ZNF195: variants seen among roughly 807,000 people sequenced by gnomAD.
ZNF195 encodes the protein hypoxia-regulated factor-1.
A neutral mutation model predicts 19.5 loss-of-function variants in ZNF195; 11 were observed. That is an observed-to-expected ratio of 0.57 (90% confidence interval 0.36 to 0.94). The LOEUF (loss-of-function observed/expected upper bound fraction) is 0.94. ZNF195 is among the 40% of genes least tolerant of loss of function. The pLI, the probability that ZNF195 is intolerant of heterozygous loss-of-function variation, is 0.01. For synonymous variants in ZNF195, 214 were observed against 248.1 expected (o/e 0.86, Z 1.29); for missense variants, 582 against 709.0 (o/e 0.82, Z 2.03).
intron 3 of ZNF195, among the ~76,000 whole-genome samples, chr11:3,370,696 G>A (rs1255958982): frequency 2.6e-5 from 4 of 152,182 alleles, no homozygotes; most frequent in Non-Finnish European, 4.4e-5. Flanking sequence ...GGCGGAGCAC[G>A]CCATGAGACC....
rs1690968423 is a variant in ZNF195, at chr11:3,358,153, T to G, written c.*965A>C. 1.3e-5 allele frequency: 2 copies of G among 151,962 alleles called. No individual in the cohort carries two copies. Among genetic ancestry groups the G allele is most frequent in the South Asian group, 4.2e-4 (2 of 4,808 alleles). 9.4% of individuals were successfully genotyped at this position (151,962 alleles called of 1,614,324 possible). On this transcript the variant is annotated 3_prime_UTR_variant, in exon 6 of 6. Transcript: ENST00000399602. ...TTTTTGCCAGCTTTGTTATGCGAGG[T>G]GAACAGACATGTTAACCGCATCCTG...
chr11:3,369,161 G>A (rs182459755), intron 3 of ZNF195: 411 of 259,808 alleles, frequency 1.6e-3, no homozygotes, highest in African/African-American at 8.6e-3. Context: ...ACATATTAGG[G>A]CTGTGCAAAA....
intron 2 of ZNF195, 75 bp from the exon 3 acceptor site, chr11:3,371,145 A>G: frequency 7.4e-7 from 1 of 1,348,206 alleles, no homozygotes; most frequent in East Asian, 2.3e-5. Flanking sequence ...TGCTTAGTAG[A>G]GTGAACATTA....
At chr11:3,369,535 A>ACAG in intron 3 of ZNF195, 1 of 447,906 alleles carries the variant, frequency 2.2e-6, no homozygotes, top group Non-Finnish European at 4.5e-6. Flanking sequence ...ATATAAATAG[A>ACAG]CAATAGAATA....
At chr11:3,372,827 G>C (rs1454007893) in intron 1 of ZNF195, among the ~76,000 whole-genome samples, 3 of 152,222 alleles carry the variant, frequency 2.0e-5, no homozygotes, top group Non-Finnish European at 4.4e-5. Context: ...TGCCTCCCTG[G>C]TTCAGGCAAT....
rs149661517 is a variant in ZNF195 at position 3,358,444 on chromosome 11, G to A, written c.*674C>T. 1.1e-3 allele frequency: 160 copies of A among 152,146 alleles called. No individual in the cohort carries two copies. Among genetic ancestry groups the A allele is most frequent in the African/African-American group, 3.6e-3 (151 of 41,500 alleles). 9.4% of individuals were successfully genotyped at this position (152,146 alleles called of 1,614,324 possible). ...CATTTCAGTGTCTTTCACCTTTCACGGACAAGTATATCAGTGATGCACACC... is the reference window on the plus strand; with the variant it reads ...CATTTCAGTGTCTTTCACCTTTCACAGACAAGTATATCAGTGATGCACACC... On this transcript the variant is annotated 3_prime_UTR_variant, in exon 6 of 6. Coordinates refer to ENST00000399602, the MANE Select transcript of ZNF195 (RefSeq NM_001130520.3).
chr11:3,360,244 A>C lies in ZNF195; in HGVS notation c.764T>G (p.Met255Arg). The C allele has an allele frequency of 6.2e-7, 1 of 1,613,956 alleles. No homozygotes were observed. The highest frequency in any genetic ancestry group is 8.5e-7 in the Non-Finnish European group (1 of 1,179,952). ...KCQECGKSFQ[M>R]LSFLTEHQKI... ...CTGATGTTCAGTTAGGAATGAGAGC[A>C]TTTGAAAGGATTTGCCACATTCTTG... Residue 255 changes from methionine (M) to arginine (R), a missense_variant, in exon 6 of 6, where the codon ATG becomes AGG. Met to Arg is a moderately conservative substitution (Grantham distance 91). Transcript: ENST00000399602.
chr11:3,369,950 C>A (rs561970201), intron 3 of ZNF195, among the ~76,000 whole-genome samples: 2 of 152,212 alleles, frequency 1.3e-5, no homozygotes, highest in East Asian at 3.9e-4. Context: ...TATTTCACAA[C>A]GTATACACAT....
rs922523353 is a variant in ZNF195 at position 3,359,771 on chromosome 11, C to T, written c.1237G>A (p.Glu413Lys). 2.5e-6 allele frequency: 4 copies of T among 1,614,074 alleles called. No homozygotes were observed. The African/African-American group carries it at 4.0e-5, about 16-fold the overall frequency. ...CACTTGAAGATGCTGTCACATTCCT[C>T]ACATTTGAAAGGTTTCCCTCCAATC... The part of the protein sequence containing the change: ...NEIGGKPFKC[E>K]ECDSIFKWFS... The change falls in exon 6 of 6, where the codon GAG (glutamate) becomes AAG (lysine). Residue 413 changes from glutamate (E) to lysine (K), a missense_variant. Physicochemically the swap from Glu to Lys is moderately conservative, Grantham distance 56 (BLOSUM62 1). Coordinates refer to ENST00000399602, the MANE Select transcript of ZNF195 (RefSeq NM_001130520.3). This position sits in a 1 kb window ranked among gnomAD's most constrained non-coding sequence, Gnocchi z 5.5.
rs768100033 is a variant in ZNF195, at chr11:3,360,273, T to C, written c.735A>G (p.Lys245=). 4 of 1,612,992 alleles carry C rather than the reference T, an allele frequency of 2.5e-6. No homozygotes were observed. The highest frequency in any genetic ancestry group is 1.3e-5 in the African/African-American group (1 of 75,006). ...NISNTGEKPF[K]CQECGKSFQM... is the part of the protein sequence containing the mutation. Reference sequence around the variant, plus strand: ...GAAAGGATTTGCCACATTCTTGACATTTGAAAGGTTTCTCTCCAGTATTAC... The same window carrying C: ...GAAAGGATTTGCCACATTCTTGACACTTGAAAGGTTTCTCTCCAGTATTAC... Residue 245 remains lysine (K), a synonymous_variant, in exon 6 of 6, where the codon AAA becomes AAG. Coordinates refer to ENST00000399602, the MANE Select transcript of ZNF195 (RefSeq NM_001130520.3).
At chr11:3,361,981 C>A in intron 3 of ZNF195, 92 bp from the exon 4 acceptor site, 1 of 435,726 alleles carries the variant, frequency 2.3e-6, no homozygotes, top group South Asian at 1.6e-5. Context: ...ATCACCTGAA[C>A]CTGGGAAGTG....
chr11:3,361,244 T>G (rs1848619125), intron 4 of ZNF195, among the ~76,000 whole-genome samples: 1 of 152,208 alleles, frequency 6.6e-6, no homozygotes, highest in Admixed American at 6.5e-5. Context: ...TTGTTTTAGA[T>G]GACCCCAGGA....
At position 3,360,227 on chromosome 11, in the gene ZNF195, C is replaced by G. The variant is rs758502898; in HGVS notation, c.781G>C (p.Glu261Gln). The G allele has an allele frequency of 3.1e-6, 5 of 1,613,900 alleles. No individual in the cohort carries two copies. The Admixed American group carries it at 8.3e-5, about 27-fold the overall frequency. The change falls in exon 6 of 6, where the codon GAA becomes CAA. Residue 261 changes from glutamate to glutamine, a missense_variant. Physicochemically the swap from Glu to Gln is conservative, Grantham distance 29. Transcript: ENST00000399602. ...KSFQMLSFLT[E>Q]HQKIHTGKKF... Reference sequence around the variant, plus strand: ...TTTCCAGTGTGAATTTTCTGATGTTCAGTTAGGAATGAGAGCATTTGAAAG... The same window carrying G: ...TTTCCAGTGTGAATTTTCTGATGTTGAGTTAGGAATGAGAGCATTTGAAAG...
At chr11:3,377,569 T>G in intron 1 of ZNF195, 1 of 1,095,644 alleles carries the variant, frequency 9.1e-7, no homozygotes, top group Non-Finnish European at 1.1e-6. Flanking sequence ...TCTCCAGGGA[T>G]TGAAAGTTGG....
intron 3 of ZNF195, chr11:3,362,146 C>A: frequency 3.3e-6 from 1 of 306,350 alleles, no homozygotes; most frequent in Non-Finnish European, 6.7e-6. Context: ...AATAATATAA[C>A]CAGTGTCCTA....
chr11:3,372,265 CT>C (rs1183344275), intron 1 of ZNF195, among the ~76,000 whole-genome samples: 1 of 152,104 alleles, frequency 6.6e-6, no homozygotes, highest in Non-Finnish European at 1.5e-5. Context: ...CAAAAAGAAT[CT>C]AAGAAGCAAA....
rs201276526 is a variant in ZNF195, at chr11:3,373,594, C to A, written c.4-1891G>T. ...GCATTTACCTGAGCACCAGCCATTT[C>A]TTTCTCTTTCTCCTGCTTCTCTGGG... On this transcript the variant is annotated intron_variant, in intron 1 of 5. Transcript: ENST00000399602. 1.0e-3 allele frequency: 1,569 copies of A among 1,550,912 alleles called. 10 individuals carry two copies. The highest frequency in any genetic ancestry group is 7.8e-3 in the Middle Eastern group (47 of 5,996).
intron 1 of ZNF195, among the ~76,000 whole-genome samples, chr11:3,377,359 C>T (rs1047821561): frequency 3.3e-5 from 5 of 152,146 alleles, no homozygotes; most frequent in African/African-American, 1.2e-4. Context: ...CGGCCACCCC[C>T]GATGATACAC....
Position 3,379,132 on chromosome 11 carries a change from G to C in ZNF195, c.-92C>G, listed in dbSNP as rs1849627631. The stretch of plus-strand genomic sequence containing the variant: ...TACGGCTAGCAGGGGACACAGAGCC[G>C]CGGGGACAGGAAGTGGAGCTCTGTC... On this transcript the variant is annotated 5_prime_UTR_variant, in exon 1 of 6. Transcript: ENST00000399602. 5 of 1,388,206 alleles carry C rather than the reference G, an allele frequency of 3.6e-6. No homozygotes were observed. The highest frequency in any genetic ancestry group is 4.1e-4 in the Middle Eastern group (2 of 4,822). The allele number at this position is 1,388,206 out of a possible 1,614,324, so 86.0% of individuals were successfully genotyped here. A position where few individuals can be genotyped will look rare whatever the true frequency, so the allele number is the denominator to read the frequency against.
Sources: gnomAD v4.1 joint callset for allele counts (sites outside exome capture counted in the v4.1 genomes callset) on GRCh38, gnomAD v4.1.1 for gene constraint, Gnocchi (gnomAD v3.1) non-coding constraint, MANE v1.5 for transcripts, NCBI Gene and HGNC (gene_info 2026-07-23, HGNC 2026-07-21) for gene names.